Variants in PNPLA5 observed in about 807,000 individuals in gnomAD.
The protein encoded by PNPLA5 is patatin-like phospholipase domain-containing protein 5.
In PNPLA5, 44 loss-of-function variants were observed where a neutral mutation model predicts 49.1. That is an observed-to-expected ratio of 0.90 (90% CI 0.70 to 1.15). PNPLA5 has a LOEUF of 1.15. PNPLA5 is among the 50% of genes most tolerant of loss of function. The pLI, the probability that PNPLA5 is intolerant of heterozygous loss-of-function variation, is 0.00. For missense variants in PNPLA5, 603 were observed against 564.0 expected (o/e 1.07, Z -0.70); for synonymous variants, 243 against 244.4 (o/e 0.99, Z 0.06).
intron 6 of PNPLA5, 100 bp downstream of exon 6, chr22:43,886,203 T>C (rs2049662181): frequency 7.4e-7 from 1 of 1,353,818 alleles, no homozygotes; most frequent in Non-Finnish European, 1.0e-6. Flanking sequence ...ATGAGTCCTG[T>C]CCTCTTCCAG....
At chr22:43,891,666 G>C in intron 1 of PNPLA5, 22 bp downstream of exon 1, 1 of 1,525,146 alleles carries the variant, frequency 6.6e-7, no homozygotes. Flanking sequence ...GCCCCTTTTC[G>C]CCCCCGCGGT....
chr22:43,889,958 AG>A (rs1344856503), intron 2 of PNPLA5, 94 bp from the exon 3 acceptor site: 2 of 1,533,176 alleles, frequency 1.3e-6, no homozygotes, highest in Non-Finnish European at 1.8e-6. Flanking sequence ...CAGCCTGCAA[AG>A]GAGGTGTCAT....
intron 4 of PNPLA5, among the ~76,000 whole-genome samples, chr22:43,888,061 C>T (rs1569507368): frequency 6.6e-6 from 1 of 152,182 alleles, no homozygotes; most frequent in Non-Finnish European, 1.5e-5. Flanking sequence ...TCGATGTTTA[C>T]TTCCAGTACC....
At chr22:43,890,185 C>A in intron 2 of PNPLA5, 1 of 527,510 alleles carries the variant, frequency 1.9e-6, no homozygotes, top group Non-Finnish European at 2.4e-6. Context: ...TGGGGCCTGG[C>A]ACATAGTAGG....
At position 43,889,501 on chromosome 22, in the gene PNPLA5, A is replaced by T; in HGVS notation, c.530T>A (p.Phe177Tyr). ...CGTGATGGTGGAGGGGCAGTCTGCA[A>T]AGGGCAAGTTGTTGCTCAGAGCCCC... ...IDGALSNNLP[F>Y]ADCPSTITVS... The change falls in exon 4 of 9, where the codon TTT becomes TAT. Residue 177 changes from phenylalanine (F) to tyrosine (Y), a missense_variant. Physicochemically the swap from Phe to Tyr is conservative, Grantham distance 22. Transcript: ENST00000216177. 6.2e-7 allele frequency: 1 copy of T among 1,613,520 alleles called. No homozygotes were observed. Among genetic ancestry groups the T allele is most frequent in the East Asian group, 2.2e-5 (1 of 44,848 alleles).
rs113374446 is a variant in PNPLA5 at position 43,880,662 on chromosome 22, G to A, written c.*133C>T. 2,429 of 903,526 alleles carry A rather than the reference G, an allele frequency of 2.7e-3. 46 individuals are homozygous for A. The African/African-American group carries it at 0.037, about 14-fold the overall frequency. The allele number at this position is 903,526 out of a possible 1,614,324, so 56.0% of individuals were successfully genotyped here. The stretch of plus-strand genomic sequence containing the variant: ...GCTGACAGGCTGCGCCCCAAGGAAC[G>A]GGCTCCAAGCTGCAGGGTCTCCACG... On this transcript the variant is annotated 3_prime_UTR_variant, in exon 9 of 9. Coordinates refer to ENST00000216177, the MANE Select transcript of PNPLA5 (RefSeq NM_138814.4).
intron 7 of PNPLA5, among the ~76,000 whole-genome samples, chr22:43,883,247 G>C (rs1284757078): frequency 6.6e-6 from 1 of 152,196 alleles, no homozygotes; most frequent in Non-Finnish European, 1.5e-5. Flanking sequence ...CTGGAAGCCA[G>C]TGTAGACCTC....
rs2049679121 is a variant in PNPLA5, at chr22:43,887,620, A to C, written c.734T>G (p.Leu245Arg). The part of the protein sequence containing the change: ...VVADNCRQGY[L>R]DALRFLERRG... ...TCTCTCCAGGAACCTCAGGGCATCC[A>C]GGTAGCCTTGTCTGCAGTTGTCGGC... Residue 245 changes from leucine to arginine, a missense_variant, in exon 5 of 9, where the codon CTG (leucine) becomes CGG (arginine). By Grantham distance (102) the Leu-to-Arg change is moderately radical. Coordinates refer to ENST00000216177, the MANE Select transcript of PNPLA5 (RefSeq NM_138814.4). 2 of 1,609,376 alleles carry C rather than the reference A, an allele frequency of 1.2e-6. No individual in the cohort carries two copies. The highest frequency in any genetic ancestry group is 1.7e-6 in the Non-Finnish European group (2 of 1,177,826).
Position 43,880,641 on chromosome 22 carries a change from A to G in PNPLA5, c.*154T>C, listed in dbSNP as rs143488827. 2.8e-4 allele frequency: 195 copies of G among 685,782 alleles called. No individual in the cohort carries two copies. The African/African-American group carries it at 3.5e-3, about 12-fold the overall frequency. The allele number at this position is 685,782 out of a possible 1,614,324, so 42.5% of individuals were successfully genotyped here. ...GTACACAGTGACCGGGGACATGCTGACAGGCTGCGCCCCAAGGAACGGGCT... is the reference window on the plus strand; with the variant it reads ...GTACACAGTGACCGGGGACATGCTGGCAGGCTGCGCCCCAAGGAACGGGCT... On this transcript the variant is annotated 3_prime_UTR_variant, in exon 9 of 9. Coordinates refer to ENST00000216177, the MANE Select transcript of PNPLA5 (RefSeq NM_138814.4).
rs1283150575 is a variant in PNPLA5 at position 43,891,932 on chromosome 22, C to G, written c.-52G>C. The G allele has an allele frequency of 6.8e-7, 1 of 1,476,072 alleles. No homozygotes were observed. Among genetic ancestry groups the G allele is most frequent in the African/African-American group, 1.5e-5 (1 of 67,852 alleles). 91.4% of individuals were successfully genotyped at this position (1,476,072 alleles called of 1,614,324 possible). On this transcript the variant is annotated 5_prime_UTR_variant, in exon 1 of 9. Transcript: ENST00000216177. ...GGACGAGGAAGGGTCACTCCGTGAC[C>G]CGGGATAGGGCCGGGATGCAGCCTT...
intron 2 of PNPLA5, 73 bp downstream of exon 2, chr22:43,890,989 A>G: frequency 2.6e-6 from 4 of 1,535,512 alleles, no homozygotes; most frequent in Non-Finnish European, 3.5e-6. Context: ...CTGACGGGGA[A>G]GTACCTGGAT....
intron 1 of PNPLA5, 53 bp downstream of exon 1, chr22:43,891,635 C>T (rs2049724214): frequency 1.3e-6 from 2 of 1,485,776 alleles, no homozygotes; most frequent in Non-Finnish European, 1.8e-6. Flanking sequence ...GGGCTCGATC[C>T]GCTTTCATTA....
intron 4 of PNPLA5, 136 bp downstream of exon 4, chr22:43,889,193 G>T: frequency 5.2e-6 from 5 of 953,398 alleles, no homozygotes; most frequent in South Asian, 1.6e-5. Context: ...TCAGGTGTTT[G>T]GCTGTGAGAC....
intron 8 of PNPLA5, chr22:43,881,095 C>T (rs982055494): frequency 1.5e-6 from 1 of 645,948 alleles, no homozygotes; most frequent in Non-Finnish European, 1.9e-6. Flanking sequence ...CACTGATGTC[C>T]CTGCTAAACA....
chr22:43,891,112 C>T lies in PNPLA5; in HGVS notation c.376G>A (p.Gly126Arg), dbSNP rs200111581. 3 of 1,610,112 alleles carry T rather than the reference C, an allele frequency of 1.9e-6. No individual in the cohort carries two copies. The highest frequency in any genetic ancestry group is 2.2e-5 in the East Asian group (1 of 44,660). The change falls in exon 2 of 9, where the codon GGA becomes AGA. Residue 126 changes from glycine to arginine, a missense_variant. Gly to Arg is a moderately radical substitution (Grantham distance 125). Transcript: ENST00000216177. The part of the protein sequence containing the change: ...LGISLTRWPD[G>R]RNFLVTDFAT... ...AAGTCAGTGACCAAGAAGTTGCGTCCGTCAGGCCAGCGGGTCAGCGAAATG... is the reference window on the plus strand; with the variant it reads ...AAGTCAGTGACCAAGAAGTTGCGTCTGTCAGGCCAGCGGGTCAGCGAAATG...
chr22:43,884,274 G>T lies in PNPLA5; in HGVS notation c.1021C>A (p.Leu341Met). ...RFWHSGPGQV[L>M]TYLLLPCTLP... ...GTGCAGGGTAGCAGCAGGTACGTCA[G>T]CACCTGTCCAGGCCCCGAGTGCCAG... The change falls in exon 7 of 9, where the codon CTG becomes ATG. Residue 341 changes from leucine to methionine, a missense_variant. Coordinates refer to ENST00000216177, the MANE Select transcript of PNPLA5 (RefSeq NM_138814.4). The T allele has an allele frequency of 6.3e-7, 1 of 1,598,896 alleles. No individual in the cohort carries two copies. The highest frequency in any genetic ancestry group is 8.5e-7 in the Non-Finnish European group (1 of 1,172,618).
chr22:43,881,016 T>TGTG, intron 8 of PNPLA5, 131 bp from the exon 9 acceptor site: 1 of 1,236,680 alleles, frequency 8.1e-7, no homozygotes, highest in Non-Finnish European at 1.0e-6. Flanking sequence ...AGGGAGGACA[T>TGTG]GTGGACCTCA....
In PNPLA5 at chr22:43,891,906, G is replaced by C; in HGVS notation, c.-26C>G. The stretch of plus-strand genomic sequence containing the variant: ...GGCGGGTGGACCGGGCGGGGTGATC[G>C]GGACGAGGAAGGGTCACTCCGTGAC... On this transcript the variant is annotated 5_prime_UTR_variant, in exon 1 of 9. Coordinates refer to ENST00000216177, the MANE Select transcript of PNPLA5 (RefSeq NM_138814.4). The C allele has an allele frequency of 1.3e-6, 2 of 1,503,678 alleles. No homozygotes were observed. The highest frequency in any genetic ancestry group is 8.8e-7 in the Non-Finnish European group (1 of 1,133,352). The allele number at this position is 1,503,678 out of a possible 1,614,324, so 93.1% of individuals were successfully genotyped here.
chr22:43,880,225 T>G lies in PNPLA5; in HGVS notation c.*570A>C. ...CCACAGCTGGGATCCTGAAAAGACC[T>G]GGACCCCCCTCTCCTCCTCCTCCTG... is the stretch of plus-strand genomic sequence containing the variant. On this transcript the variant is annotated 3_prime_UTR_variant, in exon 9 of 9. Transcript: ENST00000216177. The G allele has an allele frequency of 5.1e-6, 2 of 394,176 alleles. No individual in the cohort carries two copies. The highest frequency in any genetic ancestry group is 8.9e-6 in the Non-Finnish European group (2 of 223,932). The allele number at this position is 394,176 out of a possible 1,614,324, so 24.4% of individuals were successfully genotyped here.
Sources: allele counts gnomAD v4.1 joint callset (sites outside exome capture counted in the v4.1 genomes callset), GRCh38; gene constraint gnomAD v4.1.1; transcripts MANE v1.5; gene names NCBI Gene and HGNC (gene_info 2026-07-23, HGNC 2026-07-21).